ADAM32: variants seen among roughly 807,000 people sequenced by gnomAD.
The protein encoded by ADAM32 is ADAM metallopeptidase domain 32, also known as disintegrin and metalloproteinase domain-containing protein 32.
In ADAM32, 89 loss-of-function variants were observed where a neutral mutation model predicts 114.9. The ratio of observed to expected loss-of-function variants is 0.77; its 90% CI spans 0.65 to 0.92. ADAM32 has a LOEUF of 0.92. ADAM32 is among the 40% of genes least tolerant of loss of function. The pLI, the probability that ADAM32 is intolerant of heterozygous loss-of-function variation, is 0.00. For missense variants in ADAM32, 870 were observed against 932.8 expected, an observed-to-expected ratio of 0.93 and a Z score of 0.88; for synonymous variants, 285 against 307.5, an observed-to-expected ratio of 0.93 and a Z score of 0.77.
intron 3 of ADAM32, among the ~76,000 whole-genome samples, chr8:39,141,297 G>C (rs1054176479): frequency 2.0e-5 from 3 of 152,064 alleles, no homozygotes; most frequent in African/African-American, 7.2e-5. Context: ...GTCAATTTTA[G>C]GTCTTTCCTG....
At chr8:39,148,027 C>T (rs1803607226) in intron 4 of ADAM32, among the ~76,000 whole-genome samples, 1 of 152,120 alleles carries the variant, frequency 6.6e-6, no homozygotes, top group Non-Finnish European at 1.5e-5. Context: ...GATCCACCTG[C>T]CTTGGCCTCC....
At chr8:39,112,230 C>T (rs1050740632) in intron 1 of ADAM32, among the ~76,000 whole-genome samples, 2 of 151,948 alleles carry the variant, frequency 1.3e-5, no homozygotes, top group Non-Finnish European at 2.9e-5. Context: ...CATATACGGT[C>T]CTTTTGAAGT....
chr8:39,157,678 C>G, intron 6 of ADAM32: 1 of 793,578 alleles, frequency 1.3e-6, no homozygotes, highest in Non-Finnish European at 2.1e-6. Flanking sequence ...GAGCCTGCTG[C>G]TTGGTCTGCA....
chr8:39,209,740 A>C (rs996981572), intron 11 of ADAM32, among the ~76,000 whole-genome samples: 7 of 152,200 alleles, frequency 4.6e-5, no homozygotes, highest in Non-Finnish European at 1.0e-4. Flanking sequence ...ATTCCTATGC[A>C]TCCAACCCTG....
intron 19 of ADAM32, among the ~76,000 whole-genome samples, chr8:39,266,780 G>A (rs946636778): frequency 1.3e-5 from 2 of 152,166 alleles, no homozygotes; most frequent in African/African-American, 4.8e-5. Context: ...TGTGTGGGCT[G>A]ATGTTCCCTT....
chr8:39,277,988 C>A (rs991194527), intron 22 of ADAM32, among the ~76,000 whole-genome samples: 1 of 152,176 alleles, frequency 6.6e-6, no homozygotes, highest in African/African-American at 2.4e-5. Context: ...AAACTCTTGT[C>A]TGGCATCCAG....
At chr8:39,132,792 CT>C (rs1343231227) in intron 2 of ADAM32, among the ~76,000 whole-genome samples, 14 of 151,920 alleles carry the variant, frequency 9.2e-5, no homozygotes, top group African/African-American at 3.1e-4. Flanking sequence ...TCTTCACTGC[CT>C]TCTGGCCTAC....
intron 16 of ADAM32, among the ~76,000 whole-genome samples, chr8:39,245,426 A>G (rs901546270): frequency 7.9e-5 from 12 of 152,158 alleles, no homozygotes; most frequent in Non-Finnish European, 1.5e-4. Context: ...GTAACCAAAC[A>G]CCACCTGTTC....
Position 39,130,917 on chromosome 8 carries a change from A to G in ADAM32, c.139-5740A>G, listed in dbSNP as rs367763824. 532 of 448,712 alleles carry G rather than the reference A, an allele frequency of 1.2e-3. 5 individuals carry two copies. Among genetic ancestry groups the G allele is most frequent in the African/African-American group, 0.01 (497 of 49,074 alleles). 27.8% of individuals were successfully genotyped at this position (448,712 alleles called of 1,614,324 possible). ...GCTAATAGTTTCATTTATCATGCCT[A>G]TAATCCCGGCATTTTGGGAGACTGA... On this transcript the variant is annotated intron_variant, in intron 2 of 24. Transcript: ENST00000379907.
At chr8:39,244,863 T>G (rs868099216) in intron 16 of ADAM32, among the ~76,000 whole-genome samples, 1 of 152,102 alleles carries the variant, frequency 6.6e-6, no homozygotes, top group Non-Finnish European at 1.5e-5. Context: ...AAAAAAGATG[T>G]GTCGAAGACT....
At position 39,182,857 on chromosome 8, in the gene ADAM32, A is replaced by G. The variant is rs374940592; in HGVS notation, c.916-4052A>G. ...GCTTTTGCAGGTGTTCTTTTCTGGTAACAGACCTTTACTTTTACTGTAACC... is the reference window on the plus strand; with the variant it reads ...GCTTTTGCAGGTGTTCTTTTCTGGTGACAGACCTTTACTTTTACTGTAACC... On this transcript the variant is annotated intron_variant, in intron 10 of 24. Coordinates refer to ENST00000379907, the MANE Select transcript of ADAM32 (RefSeq NM_145004.7). Among the ~76,000 whole-genome samples, 7 of 152,302 alleles carry G rather than the reference A, an allele frequency of 4.6e-5. No individual in the cohort carries two copies. The East Asian group carries it at 9.6e-4, about 21-fold the overall frequency.
chr8:39,280,367 T>G (rs1455959200), intron 22 of ADAM32, among the ~76,000 whole-genome samples: 1 of 152,234 alleles, frequency 6.6e-6, no homozygotes, highest in Non-Finnish European at 1.5e-5. Flanking sequence ...CTTTTCTCTA[T>G]GTATCTAATA....
chr8:39,148,693 A>C (rs1282416077), intron 4 of ADAM32, among the ~76,000 whole-genome samples: 1 of 152,198 alleles, frequency 6.6e-6, no homozygotes, highest in East Asian at 1.9e-4. Context: ...TGAAATATTA[A>C]ATTAGATATG....
At chr8:39,217,303 C>T (rs1288587479) in intron 12 of ADAM32, among the ~76,000 whole-genome samples, 1 of 151,882 alleles carries the variant, frequency 6.6e-6, no homozygotes, top group Non-Finnish European at 1.5e-5. Flanking sequence ...TTATCTTCGA[C>T]CTTTAGGAGT....
At chr8:39,154,057 T>C (rs1004547646) in intron 6 of ADAM32, among the ~76,000 whole-genome samples, 1 of 150,536 alleles carries the variant, frequency 6.6e-6, no homozygotes, top group African/African-American at 2.4e-5. Context: ...TATGTAATTA[T>C]ACTTTAAGTT....
chr8:39,269,588 A>G (rs916888188), intron 19 of ADAM32, among the ~76,000 whole-genome samples: 12 of 152,136 alleles, frequency 7.9e-5, no homozygotes, highest in African/African-American at 2.9e-4. Context: ...TCCTGCAAAG[A>G]TCTCTGTGAG....
chr8:39,182,794 G>A (rs1310884854), intron 10 of ADAM32, among the ~76,000 whole-genome samples: 1 of 152,142 alleles, frequency 6.6e-6, no homozygotes. Flanking sequence ...CGTAATCCTT[G>A]TGTCCCTATG....
intron 1 of ADAM32, among the ~76,000 whole-genome samples, chr8:39,117,342 ATATT>A (rs894587890): frequency 2.0e-5 from 3 of 151,154 alleles, no homozygotes; most frequent in African/African-American, 7.4e-5. Context: ...CCTTTAGTCT[ATATT>A]TAAGATTTTT....
Position 39,107,807 on chromosome 8 carries a change from T to A in ADAM32, c.32T>A (p.Leu11His). The A allele has an allele frequency of 6.5e-7, 1 of 1,549,282 alleles. No homozygotes were observed. Among genetic ancestry groups the A allele is most frequent in the Non-Finnish European group, 8.7e-7 (1 of 1,146,234 alleles). Residue 11 changes from leucine (L) to histidine (H), a missense_variant, in exon 1 of 25, where the codon CTC becomes CAC. By Grantham distance (99) the Leu-to-His change is moderately conservative (BLOSUM62 -3). Coordinates refer to ENST00000379907, the MANE Select transcript of ADAM32 (RefSeq NM_145004.7). The part of the protein sequence containing the change: MFRLWLLLAG[L>H]CGLLASRPGF... ...CGCCTCTGGTTGCTGCTGGCCGGGC[T>A]CTGCGGCCTCCTGGCGTCAAGACCC...
Sources: gnomAD v4.1 joint callset for allele counts (sites outside exome capture counted in the v4.1 genomes callset) on GRCh38, gnomAD v4.1.1 for gene constraint, MANE v1.5 for transcripts, NCBI Gene and HGNC (gene_info 2026-07-23, HGNC 2026-07-21) for gene names.